Variants in RRBP1 observed in about 807,000 individuals in gnomAD.
The protein encoded by RRBP1 is ribosome binding protein 1.
Under a neutral mutation model 165.2 loss-of-function variants are expected in RRBP1, and 94 were observed. That is an observed-to-expected ratio of 0.57 (90% CI 0.48 to 0.68). RRBP1 has a LOEUF of 0.68. Ranked by LOEUF, RRBP1 falls within the 30% of genes least tolerant of loss-of-function variation. The pLI, the probability that RRBP1 is intolerant of heterozygous loss-of-function variation, is 0.00. For missense variants in RRBP1, 1,676 were observed against 1,763.0 expected (o/e 0.95, Z 0.88); for synonymous variants, 680 against 714.5 (o/e 0.95, Z 0.77).
chr20:17,669,076 T>A (rs1248831977), intron 2 of RRBP1, among the ~76,000 whole-genome samples: 3 of 152,314 alleles, frequency 2.0e-5, no homozygotes, highest in East Asian at 1.9e-4. Context: ...CGAAAAAATT[T>A]ATTTCATTTC....
chr20:17,635,718 TG>T, intron 6 of RRBP1, 54 bp from the exon 7 acceptor site: 2 of 1,368,100 alleles, frequency 1.5e-6, no homozygotes, highest in Non-Finnish European at 2.1e-6. Context: ...CACACAGAAC[TG>T]ACTTCTGAGC....
chr20:17,616,975 C>G (rs1449923901), intron 20 of RRBP1, 136 bp from the exon 21 acceptor site: 5 of 767,464 alleles, frequency 6.5e-6, no homozygotes, highest in Non-Finnish European at 1.1e-5. Flanking sequence ...GGCTTGGTAA[C>G]TGTGACCTAT....
chr20:17,673,610 T>C (rs1600190544), intron 2 of RRBP1, among the ~76,000 whole-genome samples: 3 of 152,186 alleles, frequency 2.0e-5, no homozygotes, highest in African/African-American at 4.8e-5. Flanking sequence ...GGTTTCACCA[T>C]GTTGGCCAGG....
intron 2 of RRBP1, among the ~76,000 whole-genome samples, chr20:17,666,717 C>T (rs2036878141): frequency 6.6e-6 from 1 of 152,224 alleles, no homozygotes; most frequent in African/African-American, 2.4e-5. Flanking sequence ...AATAAGCTGC[C>T]TTGTAGCATT....
rs562125232 is a variant in RRBP1 at position 17,631,598 on chromosome 20, G to A, written c.2611-1637C>T. Among the ~76,000 whole-genome samples, 21 of 152,392 alleles carry A rather than the reference G, an allele frequency of 1.4e-4. No individual in the cohort carries two copies. The South Asian group carries it at 1.7e-3, about 12-fold the overall frequency. ...CGGGTCCCGTGGCTGGGTGGGCCCAGCTGGGGACTTTCATAAGGCCCTCCT... is the reference window on the plus strand; with the variant it reads ...CGGGTCCCGTGGCTGGGTGGGCCCAACTGGGGACTTTCATAAGGCCCTCCT... On this transcript the variant is annotated intron_variant, in intron 8 of 24. Transcript: ENST00000377813.
At chr20:17,649,746 T>C (rs1190808571) in intron 3 of RRBP1, among the ~76,000 whole-genome samples, 5 of 152,100 alleles carry the variant, frequency 3.3e-5, no homozygotes, top group South Asian at 2.1e-4. Context: ...CCCCATTAGA[T>C]TGCAGAACAC....
rs1414534688 is a variant in RRBP1 at position 17,627,075 on chromosome 20, TGGAC to T, written c.2963+269_2963+272del. ...TCCCACAGAGAGATGGACAGGTGGA[TGGAC>T]GGACGGCAGGTGGCAGGGGGTGCTC... On this transcript the variant is annotated intron_variant, in intron 11 of 24. Coordinates refer to ENST00000377813, the MANE Select transcript of RRBP1 (RefSeq NM_001365613.2). Among the ~76,000 whole-genome samples the T allele has an allele frequency of 3.3e-5, 5 of 152,312 alleles. No individual in the cohort carries two copies. In the East Asian group the frequency reaches 9.7e-4, roughly 29 times the overall value.
chr20:17,633,988 G>A (rs1256547594), intron 7 of RRBP1, among the ~76,000 whole-genome samples: 1 of 152,204 alleles, frequency 6.6e-6, no homozygotes, highest in Non-Finnish European at 1.5e-5. Context: ...AGCAGCCCAC[G>A]GAGTCCACGC....
At chr20:17,671,001 T>C (rs1030167807) in intron 2 of RRBP1, among the ~76,000 whole-genome samples, 1 of 152,212 alleles carries the variant, frequency 6.6e-6, no homozygotes, top group African/African-American at 2.4e-5. Context: ...AAATTATTCA[T>C]CTATGTGGTT....
Position 17,613,874 on chromosome 20 carries a change from C to G in RRBP1, c.*308G>C, listed in dbSNP as rs1600719537. 2.8e-6 allele frequency: 1 copy of G among 362,894 alleles called. No homozygotes were observed. The highest frequency in any genetic ancestry group is 5.2e-5 in the East Asian group (1 of 19,306). The allele number at this position is 362,894 out of a possible 1,614,324, so 22.5% of individuals were successfully genotyped here. On this transcript the variant is annotated 3_prime_UTR_variant, in exon 25 of 25. Transcript: ENST00000377813. ...TAAACGATTGCACTGACAGACAGACCCCAGAGCGCCCGGCCTCCCACACAC... is the reference window on the plus strand; with the variant it reads ...TAAACGATTGCACTGACAGACAGACGCCAGAGCGCCCGGCCTCCCACACAC...
intron 8 of RRBP1, among the ~76,000 whole-genome samples, chr20:17,632,654 C>G (rs899393576): frequency 1.3e-5 from 1 of 76,248 alleles, no homozygotes; most frequent in African/African-American, 5.3e-5. Flanking sequence ...AAAAAGGGCC[C>G]TAAGCCCCTG....
chr20:17,677,140 T>A (rs532975901), intron 2 of RRBP1, among the ~76,000 whole-genome samples: 1 of 152,130 alleles, frequency 6.6e-6, no homozygotes, highest in South Asian at 2.1e-4. Flanking sequence ...GTGAAACAAA[T>A]TCCATGTGAA....
chr20:17,618,726 G>A, intron 19 of RRBP1, 47 bp from the exon 20 acceptor site: 3 of 1,462,332 alleles, frequency 2.1e-6, no homozygotes, highest in Non-Finnish European at 2.9e-6. Flanking sequence ...GGAGAGAAAA[G>A]GAGAAAACCA....
At position 17,659,388 on chromosome 20, in the gene RRBP1, C is replaced by T; in HGVS notation, c.1120G>A (p.Gly374Arg). The change falls in exon 3 of 25, where the codon GGG (glycine) becomes AGG (arginine). Residue 374 changes from glycine (G) to arginine (R), a missense_variant. This residue lies in a region of RRBP1 where 78 missense variants were observed against 115.6 expected (regional missense o/e 0.67). Coordinates refer to ENST00000377813, the MANE Select transcript of RRBP1 (RefSeq NM_001365613.2). Reference sequence around the variant, plus strand: ...GCCTTTTTGCCCTGGTTCTGAGCCCCCTCAGCCTTCTTGCCCTGATTCTGG... The same window carrying T: ...GCCTTTTTGCCCTGGTTCTGAGCCCTCTCAGCCTTCTTGCCCTGATTCTGG... ...GAQNQGKKAE[G>R]AQNQGKKAEG... 6.5e-7 allele frequency: 1 copy of T among 1,532,612 alleles called. No individual in the cohort carries two copies. The highest frequency in any genetic ancestry group is 8.8e-7 in the Non-Finnish European group (1 of 1,140,556). The allele number at this position is 1,532,612 out of a possible 1,614,324, so 94.9% of individuals were successfully genotyped here. A position where few individuals can be genotyped will look rare whatever the true frequency, so the allele number is the denominator to read the frequency against.
chr20:17,637,954 A>G (rs554903487), intron 5 of RRBP1, among the ~76,000 whole-genome samples: 2 of 152,244 alleles, frequency 1.3e-5, no homozygotes, highest in African/African-American at 4.8e-5. Flanking sequence ...GAGGTCACAG[A>G]GCCTTGGAGA....
intron 11 of RRBP1, among the ~76,000 whole-genome samples, chr20:17,626,306 C>G (rs886381906): frequency 9.2e-5 from 14 of 152,236 alleles, no homozygotes; most frequent in African/African-American, 3.1e-4. Context: ...AAAACAACAA[C>G]CTCTCTACCC....
chr20:17,630,367 T>TAC (rs1491289615), intron 8 of RRBP1, among the ~76,000 whole-genome samples: 3 of 152,248 alleles, frequency 2.0e-5, no homozygotes, highest in Admixed American at 6.5e-5. Context: ...CTCCACATGT[T>TAC]ACACACACAC....
At chr20:17,625,666 C>T in intron 11 of RRBP1, 64 bp from the exon 12 acceptor site, 1 of 1,351,390 alleles carries the variant, frequency 7.4e-7, no homozygotes, top group Admixed American at 1.7e-5. Flanking sequence ...CAGATCCCAC[C>T]TGAGGCCCCA....
At chr20:17,641,089 G>A (rs1270237873) in intron 5 of RRBP1, among the ~76,000 whole-genome samples, 2 of 152,232 alleles carry the variant, frequency 1.3e-5, no homozygotes, top group African/African-American at 4.8e-5. Context: ...CCTTCCTCCA[G>A]GAAGGCTGGG....
Sources: allele counts gnomAD v4.1 joint callset (sites outside exome capture counted in the v4.1 genomes callset), GRCh38; gene constraint gnomAD v4.1.1; regional missense constraint gnomAD v4.1.1; transcripts MANE v1.5; gene names NCBI Gene and HGNC (gene_info 2026-07-23, HGNC 2026-07-21).